Variants in FANCC observed in about 807,000 individuals in gnomAD.
FANCC encodes Fanconi anemia group C protein.
In FANCC, 55 loss-of-function variants were observed where a neutral mutation model predicts 71.3. The ratio of observed to expected loss-of-function variants is 0.77; its 90% confidence interval spans 0.62 to 0.97. The LOEUF is 0.97. Among genes scored for constraint, FANCC ranks in the 50% least tolerant of loss-of-function variants. The pLI is 0.00. For missense variants in FANCC, 678 were observed against 670.9 expected, an observed-to-expected ratio of 1.01 and a Z score of -0.12; for synonymous variants, 275 against 244.9, an observed-to-expected ratio of 1.12 and a Z score of -1.15.
Position 95,169,195 on chromosome 9 carries a change from C to A in FANCC, c.521+1884G>T, listed in dbSNP as rs149655525. ...AGGTTGCTGAGATCTATAGTAAAAA[C>A]AAATCATCTATCTGTGAAATTGTAA... On this transcript the variant is annotated intron_variant, in intron 6 of 14. Transcript: ENST00000289081. 9.8e-3 allele frequency among the ~76,000 whole-genome samples: 1,494 copies of A among 151,998 alleles called. 16 individuals carry two copies. The highest frequency in any genetic ancestry group is 0.013 in the Non-Finnish European group (870 of 67,992).
intron 1 of FANCC, among the ~76,000 whole-genome samples, chr9:95,270,121 C>T (rs556997097): frequency 6.6e-6 from 1 of 152,258 alleles, no homozygotes; most frequent in Non-Finnish European, 1.5e-5. Flanking sequence ...AAAATGGAGT[C>T]TCCTATGTCT....
rs755514648 is a variant in FANCC at position 95,300,456 on chromosome 9, CT to C, written c.-79+17069del. Among the ~76,000 whole-genome samples, 703 of 143,062 alleles carry C rather than the reference CT, an allele frequency of 4.9e-3. 1 individual carries two copies. Among genetic ancestry groups the C allele is most frequent in the Admixed American group, 9.4e-3 (134 of 14,308 alleles). The allele number at this position is 143,062 out of a possible 152,430, so 93.9% of individuals were successfully genotyped here. On this transcript the variant is annotated intron_variant, in intron 1 of 14. Coordinates refer to ENST00000289081, the MANE Select transcript of FANCC (RefSeq NM_000136.3). ...AGTCTGTAGGAAATAAATACAATTT[CT>C]TTTTTTTTTTTTTCAGACAGTCTCG...
At chr9:95,252,284 AAAAAAAAAAAG>A (rs1195613567) in intron 1 of FANCC, among the ~76,000 whole-genome samples, 1 of 149,864 alleles carries the variant, frequency 6.7e-6, no homozygotes, top group Non-Finnish European at 1.5e-5. Flanking sequence ...CAAAAAAAAA[AAAAAAAAAAAG>A]AAAAAAAAAA....
rs73539219 is a variant in FANCC at position 95,288,204 on chromosome 9, A to G, written c.-79+29322T>C. 9.1e-4 allele frequency among the ~76,000 whole-genome samples: 138 copies of G among 152,334 alleles called. 2 individuals carry two copies. Among genetic ancestry groups the G allele is most frequent in the African/African-American group, 3.2e-3 (132 of 41,574 alleles). On this transcript the variant is annotated intron_variant, in intron 1 of 14. Coordinates refer to ENST00000289081, the MANE Select transcript of FANCC (RefSeq NM_000136.3). ...CTTTCTCTAAAACACAGGCTGTTTC[A>G]GCAATAATAATTTGTAAAGCAGGAT...
At chr9:95,162,231 C>T (rs546579053) in intron 6 of FANCC, among the ~76,000 whole-genome samples, 1 of 152,334 alleles carries the variant, frequency 6.6e-6, no homozygotes, top group Non-Finnish European at 1.5e-5. Context: ...CACTAGTTTA[C>T]TTCACTTTGC....
chr9:95,168,141 T>C (rs932885193), intron 6 of FANCC, among the ~76,000 whole-genome samples: 3 of 152,190 alleles, frequency 2.0e-5, no homozygotes, highest in African/African-American at 7.2e-5. Context: ...TATTGCAGAT[T>C]CTCCAGTGCT....
chr9:95,176,240 C>T (rs1246013687), intron 4 of FANCC, among the ~76,000 whole-genome samples: 1 of 152,194 alleles, frequency 6.6e-6, no homozygotes, highest in African/African-American at 2.4e-5. Context: ...CTCCCTGTAT[C>T]CACTGTCCAT....
At chr9:95,266,842 A>G (rs908217302) in intron 1 of FANCC, among the ~76,000 whole-genome samples, 2 of 152,190 alleles carry the variant, frequency 1.3e-5, no homozygotes, top group African/African-American at 4.8e-5. Context: ...AGCTTTCAGT[A>G]CTATGTAAAA....
intron 1 of FANCC, among the ~76,000 whole-genome samples, chr9:95,315,004 T>C (rs1462871053): frequency 6.6e-6 from 1 of 152,168 alleles, no homozygotes; most frequent in African/African-American, 2.4e-5. Context: ...GCCAAAACAA[T>C]TTTGAAAATG....
At chr9:95,220,995 G>A (rs1378920296) in intron 4 of FANCC, among the ~76,000 whole-genome samples, 1 of 152,068 alleles carries the variant, frequency 6.6e-6, no homozygotes, top group East Asian at 1.9e-4. Context: ...ACTTTGGGAG[G>A]CTGAGGCGGG....
intron 4 of FANCC, among the ~76,000 whole-genome samples, chr9:95,195,741 A>T (rs1827416437): frequency 6.6e-6 from 1 of 152,238 alleles, no homozygotes; most frequent in South Asian, 2.1e-4. Flanking sequence ...TCAATGCATC[A>T]TCACTAAATA....
chr9:95,149,945 C>T lies in FANCC; in HGVS notation c.664G>A (p.Ala222Thr), dbSNP rs2135426446. 2 of 1,608,794 alleles carry T rather than the reference C, an allele frequency of 1.2e-6. No homozygotes were observed. The highest frequency in any genetic ancestry group is 1.7e-6 in the Non-Finnish European group (2 of 1,177,648). ...QEILQPEFFE[A>T]VNEAILLKKI... ...TACAGCAAAATGGCCTCGTTTACAG[C>T]CTCAAAGAACTCTGGCTGGAGGATT... Residue 222 changes from alanine to threonine, a missense_variant, in exon 7 of 15, where the codon GCT becomes ACT. Physicochemically the swap from Ala to Thr is moderately conservative, Grantham distance 58. Transcript: ENST00000289081.
At chr9:95,262,805 T>A (rs746942027) in intron 1 of FANCC, among the ~76,000 whole-genome samples, 1 of 152,202 alleles carries the variant, frequency 6.6e-6, no homozygotes, top group Non-Finnish European at 1.5e-5. Flanking sequence ...GTAATTCTGA[T>A]ACATACAGGA....
chr9:95,182,505 G>T (rs1346470666), intron 4 of FANCC, among the ~76,000 whole-genome samples: 1 of 152,198 alleles, frequency 6.6e-6, no homozygotes, highest in Non-Finnish European at 1.5e-5. Context: ...GGGAGATAGA[G>T]AAAGACTCCA....
intron 1 of FANCC, among the ~76,000 whole-genome samples, chr9:95,269,945 T>C (rs1186529732): frequency 6.6e-6 from 1 of 152,184 alleles, no homozygotes; most frequent in East Asian, 1.9e-4. Context: ...TTAGTATTTA[T>C]TGATCATCTG....
At chr9:95,207,958 T>C (rs1011653765) in intron 4 of FANCC, among the ~76,000 whole-genome samples, 2 of 152,012 alleles carry the variant, frequency 1.3e-5, no homozygotes, top group Non-Finnish European at 2.9e-5. Context: ...CACAAATGGC[T>C]CTAACTGTAG....
chr9:95,280,549 C>T (rs1456281645), intron 1 of FANCC, among the ~76,000 whole-genome samples: 1 of 152,072 alleles, frequency 6.6e-6, no homozygotes, highest in Non-Finnish European at 1.5e-5. Flanking sequence ...TTTAAAAGAA[C>T]ATTAGTAATA....
intron 5 of FANCC, among the ~76,000 whole-genome samples, chr9:95,171,717 T>C (rs1014309113): frequency 4.6e-5 from 7 of 152,220 alleles, no homozygotes; most frequent in African/African-American, 1.7e-4. Flanking sequence ...CAAGATTCTT[T>C]CAACAGTACA....
At chr9:95,298,126 G>A (rs1402302534) in intron 1 of FANCC, among the ~76,000 whole-genome samples, 2 of 151,976 alleles carry the variant, frequency 1.3e-5, no homozygotes, top group Non-Finnish European at 2.9e-5. Flanking sequence ...CAGTAACTGA[G>A]GCCTAGTCTA....
Sources: allele counts gnomAD v4.1 joint callset (sites outside exome capture counted in the v4.1 genomes callset), GRCh38; gene constraint gnomAD v4.1.1; transcripts MANE v1.5; gene names NCBI Gene and HGNC (gene_info 2026-07-23, HGNC 2026-07-21).